TMEM67: variants seen among roughly 807,000 people sequenced by gnomAD.
TMEM67 encodes the protein meckelin.
A neutral mutation model predicts 136.6 loss-of-function variants in TMEM67; 124 were observed. The observed-to-expected ratio is 0.91, with a 90% confidence interval of 0.78 to 1.05. TMEM67 has a LOEUF of 1.05. Among genes scored for constraint, TMEM67 ranks in the 50% least tolerant of loss-of-function variants. The pLI, the probability that TMEM67 is intolerant of heterozygous loss-of-function variation, is 0.00. For missense variants in TMEM67, 1,107 were observed against 1,178.4 expected (o/e 0.94, Z 0.89); for synonymous variants, 364 against 390.5 (o/e 0.93, Z 0.80).
At chr8:93,793,116 G>C (rs1157007791) in intron 15 of TMEM67, 82 bp from the exon 16 acceptor site, 5 of 1,281,876 alleles carry the variant, frequency 3.9e-6, no homozygotes, top group Non-Finnish European at 5.7e-6. Context: ...ATTTTTTTGA[G>C]CACTTCCTTA....
At chr8:93,794,578 A>G (rs1429093084) in intron 16 of TMEM67, among the ~76,000 whole-genome samples, 3 of 152,254 alleles carry the variant, frequency 2.0e-5, no homozygotes, top group Non-Finnish European at 4.4e-5. Context: ...AACATGAGAA[A>G]GGTTACATGG....
At chr8:93,818,533 A>T (rs561724240), downstream of TMEM67, among the ~76,000 whole-genome samples, 2 of 152,330 alleles carry the variant, frequency 1.3e-5, no homozygotes, top group East Asian at 3.9e-4. Flanking sequence ...AGCATGAAGC[A>T]TGTGTTTTTT....
intron 6 of TMEM67, among the ~76,000 whole-genome samples, chr8:93,766,385 T>G (rs112689542): frequency 0.033 from 4,960 of 152,262 alleles, 203 homozygotes; most frequent in African/African-American, 0.097. Context: ...CCCAAAGTGC[T>G]GGGATTACAT....
chr8:93,781,575 C>T (rs890992745), intron 9 of TMEM67, 83 bp from the exon 10 acceptor site: 1 of 580,020 alleles, frequency 1.7e-6, no homozygotes, highest in Non-Finnish European at 3.0e-6. Context: ...CAAAAAAGAT[C>T]AGTCAACAAT....
chr8:93,776,324 C>G (rs969510835), intron 7 of TMEM67, among the ~76,000 whole-genome samples: 5 of 152,146 alleles, frequency 3.3e-5, no homozygotes, highest in African/African-American at 1.2e-4. Flanking sequence ...TCTTCTTTTC[C>G]TAATTGAATA....
intron 1 of TMEM67, 127 bp downstream of exon 1, chr8:93,755,264 C>T (rs983850660): frequency 5.5e-6 from 5 of 915,666 alleles, no homozygotes; most frequent in African/African-American, 1.6e-5. Flanking sequence ...AGGTGATCCA[C>T]CCGCCTCCGC....
chr8:93,831,943 A>AG, the TMEM67 span, among the ~76,000 whole-genome samples: 1 of 152,172 alleles, frequency 6.6e-6, no homozygotes, highest in Non-Finnish European at 1.5e-5. Context: ...AGTAATGGAG[A>AG]GGGGCACTGC....
chr8:93,784,853 A>G (rs927337332), intron 11 of TMEM67, among the ~76,000 whole-genome samples: 6 of 152,180 alleles, frequency 3.9e-5, no homozygotes, highest in South Asian at 2.1e-4. Context: ...AGCAGGAGAA[A>G]AAATTGGGAA....
At chr8:93,777,183 G>T (rs964317302) in intron 7 of TMEM67, among the ~76,000 whole-genome samples, 4 of 152,118 alleles carry the variant, frequency 2.6e-5, no homozygotes, top group Non-Finnish European at 5.9e-5. Flanking sequence ...TATTTCTGTG[G>T]GATCGGTGGT....
At position 93,807,562 on chromosome 8, in the gene TMEM67, T is replaced by C. The variant is rs1206677938; in HGVS notation, c.2440-1278T>C. Among the ~76,000 whole-genome samples the C allele has an allele frequency of 2.0e-5, 3 of 152,200 alleles. No homozygotes were observed. The East Asian group carries it at 5.8e-4, about 29-fold the overall frequency. ...CATGCCTTATAAAAAATACTGGAAATGAAATTCCTTAAGATATCTATATTT... is the reference window on the plus strand; with the variant it reads ...CATGCCTTATAAAAAATACTGGAAACGAAATTCCTTAAGATATCTATATTT... On this transcript the variant is annotated intron_variant, in intron 23 of 27. Transcript: ENST00000453321.
downstream of TMEM67, chr8:93,818,886 T>C (rs1039358671): frequency 3.3e-5 from 11 of 334,954 alleles, no homozygotes; most frequent in Non-Finnish European, 5.7e-5. Flanking sequence ...CACTCTAACC[T>C]CTGCCTCCTA....
At chr8:93,769,250 G>A (rs1813225995) in intron 6 of TMEM67, among the ~76,000 whole-genome samples, 1 of 152,220 alleles carries the variant, frequency 6.6e-6, no homozygotes, top group South Asian at 2.1e-4. Flanking sequence ...CATAGGAGGC[G>A]AGCAAGGGGT....
At chr8:93,818,159 A>G (rs964420516), downstream of TMEM67, 2 of 152,128 alleles carry the variant, frequency 1.3e-5, no homozygotes, top group Non-Finnish European at 2.9e-5. Context: ...CACAATTTAC[A>G]TTTCCTGATC....
chr8:93,830,809 A>G, the TMEM67 span, among the ~76,000 whole-genome samples: 3 of 152,370 alleles, frequency 2.0e-5, no homozygotes, highest in African/African-American at 2.4e-5. Context: ...TTCCTAACAC[A>G]GGCAAAGCTC....
At chr8:93,828,763 A>G in the TMEM67 span, among the ~76,000 whole-genome samples, 5 of 149,992 alleles carry the variant, frequency 3.3e-5, no homozygotes, top group Admixed American at 2.0e-4. Context: ...AAAAAAAAGT[A>G]TTAACTCACT....
chr8:93,824,596 T>C, the TMEM67 span, among the ~76,000 whole-genome samples: 2 of 152,186 alleles, frequency 1.3e-5, no homozygotes, highest in African/African-American at 2.4e-5. Context: ...AGTAGAATTA[T>C]AGCTAAGAGC....
intron 22 of TMEM67, among the ~76,000 whole-genome samples, 165 bp from the exon 23 acceptor site, chr8:93,804,597 A>C (rs540237294): frequency 1.1e-3 from 172 of 150,710 alleles, no homozygotes; most frequent in African/African-American, 4.1e-3. Context: ...AAAAAAAAAA[A>C]CACAAACCTT....
chr8:93,765,720 A>G, intron 6 of TMEM67, 74 bp downstream of exon 6: 1 of 949,428 alleles, frequency 1.1e-6, no homozygotes, highest in Non-Finnish European at 1.7e-6. Flanking sequence ...ATTTCAGGCT[A>G]GAATGAGAAA....
chr8:93,799,602 T>G lies in TMEM67; in HGVS notation c.2101-16T>G. 6.2e-7 allele frequency: 1 copy of G among 1,613,664 alleles called. No individual in the cohort carries two copies. The highest frequency in any genetic ancestry group is 8.5e-7 in the Non-Finnish European group (1 of 1,179,738). On this transcript the variant is annotated splice_polypyrimidine_tract_variant and intron_variant, in intron 20 of 27. Coordinates refer to ENST00000453321, the MANE Select transcript of TMEM67 (RefSeq NM_153704.6). ...TCCATGTCCGTTTAAATTACTACTT[T>G]TCCTTTTTACTCCAGGTTGTGGGAT...
Sources: allele counts gnomAD v4.1 joint callset (sites outside exome capture counted in the v4.1 genomes callset), GRCh38; gene constraint gnomAD v4.1.1; transcripts MANE v1.5; gene names NCBI Gene and HGNC (gene_info 2026-07-23, HGNC 2026-07-21).